The following NBEAL1 variants were observed in gnomAD, a reference collection of about 807,000 sequenced individuals.
NBEAL1 encodes neurobeachin like 1.
NBEAL1 carries 273 observed loss-of-function variants against 351.3 expected under a neutral mutation model. The ratio of observed to expected loss-of-function variants is 0.78; its 90% CI spans 0.70 to 0.86. NBEAL1 has a LOEUF of 0.86. Ranked by LOEUF, NBEAL1 falls within the 40% of genes least tolerant of loss-of-function variation. The pLI, the probability that NBEAL1 is intolerant of heterozygous loss-of-function variation, is 0.00. For missense variants in NBEAL1, 2,961 were observed against 3,201.3 expected (o/e 0.92, Z 1.81); for synonymous variants, 1,050 against 1,086.4 (o/e 0.97, Z 0.66).
Position 203,144,895 on chromosome 2 carries a change from T to C in NBEAL1, c.5144T>C (p.Ile1715Thr), listed in dbSNP as rs1291126608. 7 of 1,584,120 alleles carry C rather than the reference T, an allele frequency of 4.4e-6. No homozygotes were observed. Among genetic ancestry groups the C allele is most frequent in the East Asian group, 2.2e-5 (1 of 44,658 alleles). ...YCNSNEWQVYIEKYIVPYMKQ... is the reference protein window; with the variant it reads ...YCNSNEWQVYTEKYIVPYMKQ... ...AATTCAAATGAATGGCAAGTTTACA[T>C]TGAAAAATATGTAAGTTTTATCTTT... Residue 1715 changes from isoleucine (I) to threonine (T), a missense_variant, in exon 32 of 56, where the codon ATT becomes ACT. Physicochemically the swap from Ile to Thr is moderately conservative, Grantham distance 89. Coordinates refer to ENST00000683969, the MANE Select transcript of NBEAL1 (RefSeq NM_001378026.1).
Position 203,199,518 on chromosome 2 carries a change from A to C in NBEAL1, c.7238+71A>C, listed in dbSNP as rs944548124. ...TATTGCCAGGAAAAAAACTAGATTAATTGATTCATTTATTCTGAAAGAAAT... is the reference window on the plus strand; with the variant it reads ...TATTGCCAGGAAAAAAACTAGATTACTTGATTCATTTATTCTGAAAGAAAT... On this transcript the variant is annotated intron_variant, in intron 49 of 55. Coordinates refer to ENST00000683969, the MANE Select transcript of NBEAL1 (RefSeq NM_001378026.1). 9.5e-6 allele frequency: 7 copies of C among 735,310 alleles called. No homozygotes were observed. The African/African-American group carries it at 1.3e-4, about 13-fold the overall frequency. The allele number at this position is 735,310 out of a possible 1,614,324, so 45.5% of individuals were successfully genotyped here.
At chr2:203,210,531 T>C (rs1014283683) in intron 53 of NBEAL1, among the ~76,000 whole-genome samples, 1 of 146,234 alleles carries the variant, frequency 6.8e-6, no homozygotes, top group African/African-American at 2.5e-5. Context: ...GGGCGTGGTG[T>C]TGGGCACCTG....
At chr2:203,209,469 A>G in intron 53 of NBEAL1, 147 bp downstream of exon 53, 5 of 584,048 alleles carry the variant, frequency 8.6e-6, no homozygotes, top group Non-Finnish European at 1.5e-5. Flanking sequence ...TCGTTTCTTA[A>G]CATTAGATGG....
At chr2:203,131,349 G>C (rs1282785039) in intron 25 of NBEAL1, among the ~76,000 whole-genome samples, 1 of 152,128 alleles carries the variant, frequency 6.6e-6, no homozygotes, top group Non-Finnish European at 1.5e-5. Flanking sequence ...CTGAGTAGCT[G>C]GGACTACAGG....
intron 4 of NBEAL1, among the ~76,000 whole-genome samples, chr2:203,053,485 T>A (rs1246150576): frequency 2.0e-5 from 3 of 152,174 alleles, no homozygotes; most frequent in Non-Finnish European, 4.4e-5. Flanking sequence ...ATCAGGTATC[T>A]GGGTTTTTTT....
At chr2:203,026,460 G>A (rs1009643421) in intron 2 of NBEAL1, among the ~76,000 whole-genome samples, 1 of 151,184 alleles carries the variant, frequency 6.6e-6, no homozygotes, top group South Asian at 2.1e-4. Flanking sequence ...AAGAATCACT[G>A]TTATTACTTG....
At chr2:203,169,506 A>G (rs572983088) in intron 38 of NBEAL1, among the ~76,000 whole-genome samples, 1 of 152,036 alleles carries the variant, frequency 6.6e-6, no homozygotes, top group South Asian at 2.1e-4. Flanking sequence ...GTTTGAGATC[A>G]GCCTGGGCAA....
chr2:203,141,191 T>C (rs935399214), intron 31 of NBEAL1, among the ~76,000 whole-genome samples: 3 of 146,740 alleles, frequency 2.0e-5, no homozygotes, highest in Non-Finnish European at 3.0e-5. Context: ...GACTTTTTTT[T>C]CTTTCATTTG....
chr2:203,050,011 T>C (rs1221271411), intron 4 of NBEAL1, 36 bp downstream of exon 4: 6 of 1,534,680 alleles, frequency 3.9e-6, no homozygotes, highest in East Asian at 2.5e-5. Flanking sequence ...TTTTCACTCA[T>C]AGGTGGGAGT....
chr2:203,014,862 G>T (rs951205413), upstream of NBEAL1: 1 of 152,328 alleles, frequency 6.6e-6, no homozygotes, highest in Non-Finnish European at 1.5e-5. Flanking sequence ...CTCTCGCCCC[G>T]CCCCCATGTC....
intron 10 of NBEAL1, among the ~76,000 whole-genome samples, chr2:203,090,661 G>A (rs1037374699): frequency 4.2e-4 from 64 of 152,186 alleles, no homozygotes; most frequent in African/African-American, 1.2e-3. Context: ...GGCCGAGGTG[G>A]GCAGATCACT....
intron 2 of NBEAL1, 36 bp from the exon 3 acceptor site, chr2:203,041,729 G>A: frequency 7.2e-7 from 1 of 1,393,788 alleles, no homozygotes; most frequent in Admixed American, 2.1e-5. Flanking sequence ...TTTCCTGATA[G>A]GCATACTTAA....
chr2:203,084,772 A>G (rs2061933420), intron 10 of NBEAL1: 2 of 382,206 alleles, frequency 5.2e-6, no homozygotes, highest in Non-Finnish European at 9.3e-6. Context: ...GTCAAACTGG[A>G]ATTTCTTTGT....
chr2:203,040,092 C>A, intron 2 of NBEAL1: 3 of 852,018 alleles, frequency 3.5e-6, no homozygotes, highest in African/African-American at 3.3e-5. Flanking sequence ...ATGATCAGTC[C>A]TTCAACACTA....
intron 35 of NBEAL1, among the ~76,000 whole-genome samples, chr2:203,154,161 G>A (rs983561999): frequency 7.3e-5 from 11 of 151,546 alleles, no homozygotes; most frequent in South Asian, 2.1e-4. Context: ...GCATGAACCC[G>A]GGAGGCGGAG....
rs60898776 is a variant in NBEAL1, at chr2:203,139,222, A to G, written c.4848+474A>G. Reference sequence around the variant, plus strand: ...CCTACAAAGTACTAAGCATTGTGCTAGGTTTTAGATATGAAGATAAATATT... The same window carrying G: ...CCTACAAAGTACTAAGCATTGTGCTGGGTTTTAGATATGAAGATAAATATT... On this transcript the variant is annotated intron_variant, in intron 31 of 55. Coordinates refer to ENST00000683969, the MANE Select transcript of NBEAL1 (RefSeq NM_001378026.1). Among the ~76,000 whole-genome samples, 24 of 151,934 alleles carry G rather than the reference A, an allele frequency of 1.6e-4. No individual in the cohort carries two copies. The East Asian group carries it at 3.9e-3, about 24-fold the overall frequency.
chr2:203,116,127 TC>T, intron 18 of NBEAL1, 57 bp downstream of exon 18: 1 of 1,132,210 alleles, frequency 8.8e-7, no homozygotes, highest in Non-Finnish European at 1.3e-6. Flanking sequence ...GAACTGCAGT[TC>T]CTTTTCTATT....
At chr2:203,033,064 G>C (rs910397603) in intron 2 of NBEAL1, among the ~76,000 whole-genome samples, 2 of 148,814 alleles carry the variant, frequency 1.3e-5, no homozygotes, top group African/African-American at 2.5e-5. Flanking sequence ...GCAGTGGCGC[G>C]ATCTCGGCTC....
Position 203,193,865 on chromosome 2 carries a change from T to C in NBEAL1, c.6992T>C (p.Leu2331Pro). The C allele has an allele frequency of 6.2e-7, 1 of 1,611,360 alleles. No individual in the cohort carries two copies. Among genetic ancestry groups the C allele is most frequent in the East Asian group, 2.2e-5 (1 of 44,682 alleles). ...CCAACCAAAATAGACACTTCAACCC[T>C]AAACCTGTTTCAACACCTTCCTGAA... ...QKPTKIDTST[L>P]NLFQHLPELK... The change falls in exon 47 of 56, where the codon CTA becomes CCA. Residue 2331 changes from leucine (L) to proline (P), a missense_variant. By Grantham distance (98) the Leu-to-Pro change is moderately conservative. Transcript: ENST00000683969.
Sources: allele counts gnomAD v4.1 joint callset (sites outside exome capture counted in the v4.1 genomes callset), GRCh38; gene constraint gnomAD v4.1.1; transcripts MANE v1.5; gene names NCBI Gene and HGNC (gene_info 2026-07-23, HGNC 2026-07-21).